The following GALNT10 variants were observed in gnomAD, a reference collection of about 807,000 sequenced individuals.
GALNT10 encodes the protein GalNAc transferase 10.
A neutral mutation model predicts 75.0 loss-of-function variants in GALNT10; 41 were observed. The ratio of observed to expected loss-of-function variants is 0.55; its 90% CI spans 0.43 to 0.71. GALNT10 has a LOEUF of 0.71. GALNT10 is among the 30% of genes least tolerant of loss of function. GALNT10 has a pLI of 0.00. For synonymous variants in GALNT10, 302 were observed against 313.0 expected (o/e 0.96, Z 0.37); for missense variants, 727 against 818.5 (o/e 0.89, Z 1.36).
At chr5:154,191,778 G>A (rs969993076) in intron 1 of GALNT10, among the ~76,000 whole-genome samples, 1 of 152,252 alleles carries the variant, frequency 6.6e-6, no homozygotes, top group Admixed American at 6.5e-5. Flanking sequence ...TTGGTGCCCA[G>A]TGTCCTGAGG....
chr5:154,321,159 C>A (rs1386203688), intron 3 of GALNT10, among the ~76,000 whole-genome samples: 2 of 152,206 alleles, frequency 1.3e-5, no homozygotes. Flanking sequence ...CTCTCCACCC[C>A]TCAATCCACT....
At chr5:154,261,264 A>G (rs1753694369) in intron 1 of GALNT10, among the ~76,000 whole-genome samples, 1 of 140,048 alleles carries the variant, frequency 7.1e-6, no homozygotes, top group Admixed American at 6.7e-5. Flanking sequence ...GTTTAAGCTA[A>G]AAGAAAAAAA....
Position 154,257,409 on chromosome 5 carries a change from C to G in GALNT10, c.160-37407C>G, listed in dbSNP as rs117954480. ...TTAGAAAAACCCACTTCATCTCTGC[C>G]TTCCTGTGTTTTCCATTTTTAAACG... is the stretch of plus-strand genomic sequence containing the variant. On this transcript the variant is annotated intron_variant, in intron 1 of 11. Coordinates refer to ENST00000297107, the MANE Select transcript of GALNT10 (RefSeq NM_198321.4). 8.2e-4 allele frequency among the ~76,000 whole-genome samples: 125 copies of G among 152,314 alleles called. No homozygotes were observed. The East Asian group carries it at 0.021, about 25-fold the overall frequency.
At chr5:154,215,372 C>T (rs1435165682) in intron 1 of GALNT10, among the ~76,000 whole-genome samples, 1 of 152,078 alleles carries the variant, frequency 6.6e-6, no homozygotes, top group Non-Finnish European at 1.5e-5. Flanking sequence ...AGTCCCAGTA[C>T]TTGGGAGGCT....
At chr5:154,267,169 A>G (rs1355834117) in intron 1 of GALNT10, among the ~76,000 whole-genome samples, 1 of 152,244 alleles carries the variant, frequency 6.6e-6, no homozygotes, top group Non-Finnish European at 1.5e-5. Context: ...AAGTTAAAAT[A>G]AAACATCCAA....
At chr5:154,245,826 A>G (rs1170501533) in intron 1 of GALNT10, among the ~76,000 whole-genome samples, 1 of 98,062 alleles carries the variant, frequency 1.0e-5, no homozygotes, top group East Asian at 2.9e-4. Context: ...TTTTTTTTTT[A>G]CTTTAAGTTT....
intron 1 of GALNT10, among the ~76,000 whole-genome samples, chr5:154,219,826 T>TCACA (rs1752945432): frequency 1.3e-5 from 1 of 78,218 alleles, no homozygotes; most frequent in East Asian, 1.3e-3. Flanking sequence ...TCTCTCTCTC[T>TCACA]CTCTCTCTCT....
At chr5:154,354,041 A>C (rs1406453136) in intron 4 of GALNT10, among the ~76,000 whole-genome samples, 1 of 152,164 alleles carries the variant, frequency 6.6e-6, no homozygotes, top group African/African-American at 2.4e-5. Context: ...TTGAATCGCA[A>C]CCCACCAGTA....
chr5:154,414,646 A>T (rs1756468814), intron 10 of GALNT10, among the ~76,000 whole-genome samples: 1 of 152,010 alleles, frequency 6.6e-6, no homozygotes. Flanking sequence ...GGGTAATGGT[A>T]TGTTCATTAC....
chr5:154,362,012 A>T (rs1755395689), intron 4 of GALNT10, among the ~76,000 whole-genome samples: 1 of 152,168 alleles, frequency 6.6e-6, no homozygotes, highest in South Asian at 2.1e-4. Flanking sequence ...GGGTCCCTGA[A>T]TGGGAACAAG....
chr5:154,209,604 G>C (rs1400097986), intron 1 of GALNT10, among the ~76,000 whole-genome samples: 2 of 152,208 alleles, frequency 1.3e-5, no homozygotes, highest in African/African-American at 4.8e-5. Context: ...CTTTCCTGCT[G>C]TGTCCTCATG....
chr5:154,275,184 T>C (rs1179759615), intron 1 of GALNT10, among the ~76,000 whole-genome samples: 2 of 152,236 alleles, frequency 1.3e-5, no homozygotes, highest in Non-Finnish European at 2.9e-5. Context: ...GTTGCTCCTA[T>C]TTCCAGGAAT....
chr5:154,276,817 C>T (rs1005915081), intron 1 of GALNT10, among the ~76,000 whole-genome samples: 2 of 152,062 alleles, frequency 1.3e-5, no homozygotes, highest in South Asian at 2.1e-4. Context: ...ATTTTGTAAG[C>T]GGAGCGGGGA....
At chr5:154,328,758 T>A (rs1754797692) in intron 3 of GALNT10, among the ~76,000 whole-genome samples, 1 of 152,170 alleles carries the variant, frequency 6.6e-6, no homozygotes, top group African/African-American at 2.4e-5. Context: ...TCCTTAGATT[T>A]GATTATCTGC....
chr5:154,333,519 T>C (rs532233935), intron 4 of GALNT10, among the ~76,000 whole-genome samples: 1 of 152,274 alleles, frequency 6.6e-6, no homozygotes, highest in East Asian at 1.9e-4. Context: ...AATATCCCAA[T>C]TTCCTCAGTG....
At chr5:154,395,198 A>C (rs4499886) in intron 7 of GALNT10, among the ~76,000 whole-genome samples, 68,007 of 152,148 alleles carry the variant, frequency 0.45, 17,707 homozygotes, top group African/African-American at 0.71. Flanking sequence ...GATGATATGT[A>C]TATTTGGCCT....
chr5:154,216,166 A>G (rs185619134), intron 1 of GALNT10, among the ~76,000 whole-genome samples: 2 of 152,278 alleles, frequency 1.3e-5, no homozygotes, highest in East Asian at 3.9e-4. Flanking sequence ...GCACTTTACA[A>G]ACTGTCTCTG....
chr5:154,280,275 A>T (rs149261084), intron 1 of GALNT10, among the ~76,000 whole-genome samples: 56 of 152,290 alleles, frequency 3.7e-4, no homozygotes, highest in African/African-American at 1.3e-3. Flanking sequence ...GGTAGAGGAG[A>T]TAGGAAGAGG....
At chr5:154,259,852 T>C (rs1753674366) in intron 1 of GALNT10, among the ~76,000 whole-genome samples, 1 of 152,228 alleles carries the variant, frequency 6.6e-6, no homozygotes, top group Non-Finnish European at 1.5e-5. Flanking sequence ...ACATGAAGTA[T>C]AACTGATACC....
Sources: allele counts gnomAD v4.1 joint callset (sites outside exome capture counted in the v4.1 genomes callset), GRCh38; gene constraint gnomAD v4.1.1; transcripts MANE v1.5; gene names NCBI Gene and HGNC (gene_info 2026-07-23, HGNC 2026-07-21).